Variants in CABIN1 observed in about 807,000 individuals in gnomAD.
The protein encoded by CABIN1 is calcineurin-binding protein cabin-1.
Under a neutral mutation model 227.7 loss-of-function variants are expected in CABIN1, and 133 were observed. The ratio of observed to expected loss-of-function variants is 0.58; its 90% CI spans 0.51 to 0.67. CABIN1 has a LOEUF of 0.67. CABIN1 is among the 30% of genes least tolerant of loss of function. CABIN1 has a pLI of 0.00. For synonymous variants in CABIN1, 1,086 were observed against 1,155.1 expected (o/e 0.94, Z 1.21); for missense variants, 2,408 against 2,852.5 (o/e 0.84, Z 3.55).
In CABIN1 at chr22:24,096,129, A is replaced by G. The variant is rs777586341; in HGVS notation, c.3938+47A>G. 2.5e-6 allele frequency: 4 copies of G among 1,596,208 alleles called. No individual in the cohort carries two copies. The Admixed American group carries it at 5.0e-5, about 20-fold the overall frequency. On this transcript the variant is annotated intron_variant, in intron 25 of 36. Transcript: ENST00000263119. ...ACCCCTAGCAGCTTACCCCATCTGC[A>G]TCCCAGATGGCTCGTTTACTGCAAT... is the stretch of plus-strand genomic sequence containing the variant.
chr22:24,034,448 GATTGAATAATAAAT>G (rs1433569806), intron 1 of CABIN1, among the ~76,000 whole-genome samples: 4 of 152,128 alleles, frequency 2.6e-5, no homozygotes, highest in Middle Eastern at 3.2e-3. Context: ...TCCTTTTTAT[GATTGAATAATAAAT>G]ACCCCTTTAT....
chr22:24,066,433 A>G (rs1367773299), intron 15 of CABIN1, among the ~76,000 whole-genome samples: 1 of 152,230 alleles, frequency 6.6e-6, no homozygotes, highest in Non-Finnish European at 1.5e-5. Flanking sequence ...CCCAGGTGCC[A>G]CTTTATTCAT....
intron 29 of CABIN1, among the ~76,000 whole-genome samples, chr22:24,161,802 C>T (rs1443440348): frequency 1.3e-5 from 2 of 152,198 alleles, no homozygotes; most frequent in Non-Finnish European, 2.9e-5. Context: ...GGAACCTGGC[C>T]ATGCCCCTTC....
chr22:24,146,621 C>T (rs1179985604), intron 29 of CABIN1, among the ~76,000 whole-genome samples: 1 of 152,194 alleles, frequency 6.6e-6, no homozygotes, highest in East Asian at 1.9e-4. Flanking sequence ...CCTGCCCTGA[C>T]AGGACCACAG....
Position 24,105,772 on chromosome 22 carries a change from C to A in CABIN1, c.4117+7580C>A, listed in dbSNP as rs550882692. Among the ~76,000 whole-genome samples, 3 of 152,338 alleles carry A rather than the reference C, an allele frequency of 2.0e-5. No individual in the cohort carries two copies. In the East Asian group the frequency reaches 5.8e-4, roughly 29 times the overall value. On this transcript the variant is annotated intron_variant, in intron 26 of 36. Transcript: ENST00000263119. Reference sequence around the variant, plus strand: ...AGAACCCCCTCCTCACCCAAAAGCCCCTCCACAGAAAAACAGCTTGACTCT... The same window carrying A: ...AGAACCCCCTCCTCACCCAAAAGCCACTCCACAGAAAAACAGCTTGACTCT...
At chr22:24,077,741 C>T (rs771536188) in intron 19 of CABIN1, among the ~76,000 whole-genome samples, 9 of 152,192 alleles carry the variant, frequency 5.9e-5, no homozygotes, top group Non-Finnish European at 1.3e-4. Flanking sequence ...ATAAGGTCAC[C>T]TCCACAAGGC....
Position 24,178,114 on chromosome 22 carries a change from C to CCCTGGAGGT in CABIN1, c.6589_6597dup (p.Val2197_Glu2199dup). 1 of 1,613,854 alleles carries CCCTGGAGGT rather than the reference C, an allele frequency of 6.2e-7. No individual in the cohort carries two copies. Among genetic ancestry groups the CCCTGGAGGT allele is most frequent in the Non-Finnish European group, 8.5e-7 (1 of 1,179,968 alleles). On this transcript the variant is annotated inframe_insertion, in exon 37 of 37. Transcript: ENST00000263119. ...AGGAAGGAGAGCCTATGCCAGCCAG[C>CCCTGGAGGT]CCTGGAGGTCCTGGAGACATCCAGC...
intron 29 of CABIN1, chr22:24,162,013 A>C (rs1477577457): frequency 2.0e-5 from 3 of 152,252 alleles, no homozygotes; most frequent in Non-Finnish European, 4.4e-5. Flanking sequence ...TGTCCAGGTC[A>C]TCCTGGGGCT....
intron 5 of CABIN1, among the ~76,000 whole-genome samples, chr22:24,041,713 A>G (rs1246706684): frequency 6.6e-6 from 1 of 152,242 alleles, no homozygotes; most frequent in Non-Finnish European, 1.5e-5. Context: ...TATTGCTGTT[A>G]TTTCATGTTA....
chr22:24,143,241 C>A (rs747212558), intron 29 of CABIN1, among the ~76,000 whole-genome samples: 28 of 152,326 alleles, frequency 1.8e-4, no homozygotes, highest in Non-Finnish European at 3.1e-4. Flanking sequence ...ATTGGCCCAG[C>A]TGTCCTAGAC....
chr22:24,146,327 G>C (rs1167558358), intron 29 of CABIN1, among the ~76,000 whole-genome samples: 1 of 152,222 alleles, frequency 6.6e-6, no homozygotes, highest in South Asian at 2.1e-4. Context: ...TAGCAAACTT[G>C]TGTGGATTCT....
intron 29 of CABIN1, among the ~76,000 whole-genome samples, chr22:24,147,484 C>T (rs1366049585): frequency 6.7e-6 from 1 of 149,324 alleles, no homozygotes; most frequent in Admixed American, 6.7e-5. Flanking sequence ...TTCACTGTGT[C>T]ATCCAGGCTG....
intron 15 of CABIN1, among the ~76,000 whole-genome samples, chr22:24,065,706 TG>T (rs1202775416): frequency 1.3e-5 from 2 of 152,246 alleles, no homozygotes; most frequent in African/African-American, 2.4e-5. Flanking sequence ...CACTCTAGCC[TG>T]GGCACCATTG....
chr22:24,117,750 T>G (rs2043170965), intron 27 of CABIN1, among the ~76,000 whole-genome samples: 1 of 152,230 alleles, frequency 6.6e-6, no homozygotes, highest in African/African-American at 2.4e-5. Flanking sequence ...GTGCTCTGTG[T>G]GTCTTTGTGT....
intron 29 of CABIN1, among the ~76,000 whole-genome samples, chr22:24,153,483 A>T (rs925463372): frequency 6.6e-6 from 1 of 152,208 alleles, no homozygotes; most frequent in African/African-American, 2.4e-5. Context: ...CTCAAGGATC[A>T]GGGCAGGCAG....
chr22:24,070,679 G>A, intron 16 of CABIN1, 121 bp from the exon 17 acceptor site: 1 of 1,450,626 alleles, frequency 6.9e-7, no homozygotes, highest in East Asian at 2.3e-5. Flanking sequence ...TTGTGCTGGG[G>A]CTCGTTCTTC....
Position 24,056,211 on chromosome 22 carries a change from T to G in CABIN1, c.1113T>G (p.Asp371Glu). ...GTGAAGGTGATATTTCTGGGGGAGA[T>G]AAATCCAAGAAAGGGGTAAAACGGA... ...GAPVGDISGG[D>E]KSKKGVKRKK... is the part of the protein sequence containing the mutation. The change falls in exon 10 of 37, where the codon GAT (aspartate) becomes GAG (glutamate). Residue 371 changes from aspartate to glutamate, a missense_variant. Physicochemically the swap from Asp to Glu is conservative, Grantham distance 45 (BLOSUM62 2). This residue lies in a region of CABIN1 where 1,045 missense variants were observed against 1,168.4 expected (regional missense o/e 0.89). Coordinates refer to ENST00000263119, the MANE Select transcript of CABIN1 (RefSeq NM_012295.4). The G allele has an allele frequency of 6.2e-7, 1 of 1,613,996 alleles. No individual in the cohort carries two copies. Among genetic ancestry groups the G allele is most frequent in the Non-Finnish European group, 8.5e-7 (1 of 1,179,978 alleles).
chr22:24,088,415 C>T (rs191332044), intron 23 of CABIN1, among the ~76,000 whole-genome samples: 12 of 152,274 alleles, frequency 7.9e-5, no homozygotes, highest in Admixed American at 6.5e-4. Flanking sequence ...TGAGACCAGC[C>T]TGATCAACAT....
At position 24,171,908 on chromosome 22, in the gene CABIN1, G is replaced by C. The variant is rs372360344; in HGVS notation, c.5953G>C (p.Ala1985Pro). 20 of 1,614,040 alleles carry C rather than the reference G, an allele frequency of 1.2e-5. No individual in the cohort carries two copies. The highest frequency in any genetic ancestry group is 1.7e-5 in the Admixed American group (1 of 60,038). ...TIITCPPSASASTLDQSKDPG... is the reference protein window; with the variant it reads ...TIITCPPSASPSTLDQSKDPG... ...TATCACCTGCCCTCCGTCAGCATCA[G>C]CTTCCACCCTGGACCAGTCCAAGGA... is the stretch of plus-strand genomic sequence containing the variant. The change falls in exon 34 of 37, where the codon GCT becomes CCT. Residue 1985 changes from alanine to proline, a missense_variant. By Grantham distance (27) the Ala-to-Pro change is conservative (BLOSUM62 -1). Transcript: ENST00000263119.
Sources: gnomAD v4.1 joint callset for allele counts (sites outside exome capture counted in the v4.1 genomes callset) on GRCh38, gnomAD v4.1.1 for gene constraint, gnomAD v4.1.1 regional missense constraint, MANE v1.5 for transcripts, NCBI Gene and HGNC (gene_info 2026-07-23, HGNC 2026-07-21) for gene names.